The following PPARGC1A variants were observed in gnomAD, a reference collection of about 807,000 sequenced individuals.
The protein encoded by PPARGC1A is PPARG coactivator 1 alpha.
In PPARGC1A, 25 loss-of-function variants were observed where a neutral mutation model predicts 88.7. That is an observed-to-expected ratio of 0.28 (90% CI 0.21 to 0.39). PPARGC1A has a LOEUF of 0.39. PPARGC1A is among the 10% of genes least tolerant of loss of function. The probability of loss-of-function intolerance (pLI) is 1.00; values close to 1 mark genes in which losing one functional copy is unlikely to be tolerated. For synonymous variants in PPARGC1A, 363 were observed against 355.6 expected (o/e 1.02, Z -0.24); for missense variants, 880 against 968.7 (o/e 0.91, Z 1.22).
the PPARGC1A span, among the ~76,000 whole-genome samples, chr4:24,418,751 T>C: frequency 6.6e-6 from 1 of 152,240 alleles, no homozygotes; most frequent in South Asian, 2.1e-4. Flanking sequence ...ATTTTCATTA[T>C]GAATCCCATT....
chr4:23,865,741 G>A (rs774768636), intron 2 of PPARGC1A, among the ~76,000 whole-genome samples: 5 of 152,156 alleles, frequency 3.3e-5, no homozygotes, highest in Non-Finnish European at 7.3e-5. Flanking sequence ...TTGCCTCACA[G>A]GTAGCATCTG....
the PPARGC1A span, among the ~76,000 whole-genome samples, chr4:24,232,884 GC>G: frequency 6.6e-6 from 1 of 152,184 alleles, no homozygotes; most frequent in Non-Finnish European, 1.5e-5. Flanking sequence ...TAACATATCT[GC>G]ATGCATATAT....
chr4:24,194,622 A>G, the PPARGC1A span, among the ~76,000 whole-genome samples: 4,959 of 38,618 alleles, frequency 0.13, 168 homozygotes, highest in African/African-American at 0.23. Context: ...ACGCGCGCGC[A>G]CGCGCGCGCA....
intron 2 of PPARGC1A, among the ~76,000 whole-genome samples, chr4:23,839,512 G>T (rs1382446047): frequency 6.6e-6 from 1 of 152,122 alleles, no homozygotes; most frequent in Non-Finnish European, 1.5e-5. Flanking sequence ...GTCCAGACTG[G>T]AAGTCAGGAG....
the PPARGC1A span, among the ~76,000 whole-genome samples, chr4:24,133,200 T>G: frequency 7.9e-5 from 12 of 152,008 alleles, no homozygotes; most frequent in South Asian, 4.2e-4. Context: ...GGGGTGGTGG[T>G]GGGGGGGAAG....
At chr4:24,375,448 G>C in the PPARGC1A span, among the ~76,000 whole-genome samples, 1 of 152,112 alleles carries the variant, frequency 6.6e-6, no homozygotes, top group African/African-American at 2.4e-5. Context: ...TTTAAGAGTC[G>C]AACAGGGCAT....
chr4:24,418,962 T>C, the PPARGC1A span, among the ~76,000 whole-genome samples: 1 of 152,230 alleles, frequency 6.6e-6, no homozygotes, highest in Non-Finnish European at 1.5e-5. Context: ...TTTTCACTCT[T>C]TGACACTCTT....
chr4:24,046,561 A>G, the PPARGC1A span, among the ~76,000 whole-genome samples: 1 of 151,556 alleles, frequency 6.6e-6, no homozygotes, highest in East Asian at 1.9e-4. Flanking sequence ...GACTAGCTTA[A>G]ATTGCTTCAG....
At chr4:24,312,654 T>G in the PPARGC1A span, among the ~76,000 whole-genome samples, 1 of 149,072 alleles carries the variant, frequency 6.7e-6, no homozygotes, top group African/African-American at 2.5e-5. Context: ...AAAAAAAGAT[T>G]GCAACTTACT....
At chr4:23,817,910 A>G (rs1335243600) in intron 7 of PPARGC1A, among the ~76,000 whole-genome samples, 2 of 152,178 alleles carry the variant, frequency 1.3e-5, no homozygotes, top group Non-Finnish European at 2.9e-5. Flanking sequence ...TTCTTTGAAC[A>G]TAGTGTTAAA....
the PPARGC1A span, among the ~76,000 whole-genome samples, chr4:24,384,792 T>C: frequency 6.6e-6 from 1 of 152,072 alleles, no homozygotes; most frequent in African/African-American, 2.4e-5. Context: ...ACAATAATAG[T>C]GGGAGACTTT....
At chr4:24,397,095 C>T in the PPARGC1A span, among the ~76,000 whole-genome samples, 14 of 152,060 alleles carry the variant, frequency 9.2e-5, no homozygotes, top group Non-Finnish European at 1.9e-4. Flanking sequence ...CAAAATTACA[C>T]AAAAGATAAA....
At chr4:23,868,310 C>G (rs1003998681) in intron 2 of PPARGC1A, among the ~76,000 whole-genome samples, 5 of 150,642 alleles carry the variant, frequency 3.3e-5, no homozygotes, top group African/African-American at 1.2e-4. Flanking sequence ...CTGGCAGACA[C>G]ACAGCATACT....
At chr4:23,815,217 C>A (rs577250884) in intron 7 of PPARGC1A, among the ~76,000 whole-genome samples, 68 of 151,944 alleles carry the variant, frequency 4.5e-4, no homozygotes, top group African/African-American at 1.6e-3. Context: ...TGAAATACGA[C>A]AGCCGAATGC....
chr4:23,851,570 C>G (rs974542547), intron 2 of PPARGC1A, among the ~76,000 whole-genome samples: 5 of 152,184 alleles, frequency 3.3e-5, no homozygotes, highest in African/African-American at 9.7e-5. Context: ...CAACAACTGA[C>G]TTACTATCTA....
chr4:24,012,605 C>T, the PPARGC1A span, among the ~76,000 whole-genome samples: 3 of 152,072 alleles, frequency 2.0e-5, no homozygotes, highest in African/African-American at 4.8e-5. Flanking sequence ...TGAACTCAGT[C>T]GTGGCTTACT....
At chr4:24,102,492 G>T in the PPARGC1A span, among the ~76,000 whole-genome samples, 1 of 152,188 alleles carries the variant, frequency 6.6e-6, no homozygotes, top group East Asian at 1.9e-4. Context: ...CTGAGGCCCT[G>T]TTTCTTCCAG....
chr4:24,112,990 G>A, the PPARGC1A span, among the ~76,000 whole-genome samples: 5 of 152,246 alleles, frequency 3.3e-5, no homozygotes, highest in East Asian at 9.7e-4. Context: ...AAGGGCTACT[G>A]TGTTTAATAT....
At chr4:24,376,421 C>T in the PPARGC1A span, among the ~76,000 whole-genome samples, 1 of 152,208 alleles carries the variant, frequency 6.6e-6, no homozygotes, top group Non-Finnish European at 1.5e-5. Flanking sequence ...ATTGATAGGT[C>T]AATCTTCAGG....
Sources: allele counts gnomAD v4.1 joint callset (sites outside exome capture counted in the v4.1 genomes callset), GRCh38; gene constraint gnomAD v4.1.1; transcripts MANE v1.5; gene names NCBI Gene and HGNC (gene_info 2026-07-23, HGNC 2026-07-21).